Variants in FHIT observed in about 807,000 individuals in gnomAD.
FHIT encodes the protein fragile histidine triad diadenosine triphosphatase.
A neutral mutation model predicts 17.9 loss-of-function variants in FHIT; 19 were observed. The observed-to-expected ratio is 1.06, with a 90% CI of 0.74 to 1.56. FHIT has a LOEUF of 1.56. Among genes scored for constraint, FHIT ranks in the 40% most tolerant of loss-of-function variants. FHIT has a pLI of 0.00. For synonymous variants in FHIT, 81 were observed against 69.7 expected, an observed-to-expected ratio of 1.16 and a Z score of -0.81; for missense variants, 248 against 189.2, an observed-to-expected ratio of 1.31 and a Z score of -1.82.
chr3:60,927,019 C>T (rs1313588248), intron 3 of FHIT, among the ~76,000 whole-genome samples: 4 of 152,282 alleles, frequency 2.6e-5, no homozygotes, highest in Non-Finnish European at 4.4e-5. Context: ...CCCTCGTCTC[C>T]GTCTCCCACT....
At chr3:61,126,094 G>T (rs2036597822) in intron 2 of FHIT, among the ~76,000 whole-genome samples, 1 of 152,128 alleles carries the variant, frequency 6.6e-6, no homozygotes, top group Non-Finnish European at 1.5e-5. Context: ...CCAGCCACTT[G>T]ACTTCATACT....
intron 5 of FHIT, among the ~76,000 whole-genome samples, chr3:60,014,946 T>C (rs3845971): frequency 0.28 from 43,079 of 152,102 alleles, 6,280 homozygotes; most frequent in East Asian, 0.48. Flanking sequence ...TACTTCTTGA[T>C]AGGAAATTAA....
At chr3:60,588,970 ATGAC>A (rs1175032527) in intron 4 of FHIT, among the ~76,000 whole-genome samples, 1 of 152,020 alleles carries the variant, frequency 6.6e-6, no homozygotes, top group Non-Finnish European at 1.5e-5. Context: ...ATGTGAGACA[ATGAC>A]TGCATGAGTC....
At chr3:59,761,155 G>A (rs1457968876) in intron 8 of FHIT, among the ~76,000 whole-genome samples, 4 of 152,172 alleles carry the variant, frequency 2.6e-5, no homozygotes, top group South Asian at 2.1e-4. Context: ...TATGTCAGAC[G>A]AAAATCCCAC....
At chr3:60,836,675 G>C (rs1702552070) in intron 3 of FHIT, among the ~76,000 whole-genome samples, 1 of 152,130 alleles carries the variant, frequency 6.6e-6, no homozygotes, top group Non-Finnish European at 1.5e-5. Flanking sequence ...ACTGTTTACA[G>C]AGTCCAGTTA....
chr3:60,117,070 T>G lies in FHIT; in HGVS notation c.104-102918A>C, dbSNP rs116310727. ...TTAGAAAGTCAGCAAAAAGATGAAC[T>G]GAATCCCTGATGTTAATTGTACAGG... On this transcript the variant is annotated intron_variant, in intron 5 of 9. Coordinates refer to ENST00000492590, the MANE Select transcript of FHIT (RefSeq NM_002012.4). Among the ~76,000 whole-genome samples, 1,167 of 152,212 alleles carry G rather than the reference T, an allele frequency of 7.7e-3. 21 individuals are homozygous for G. Among genetic ancestry groups the G allele is most frequent in the African/African-American group, 0.027 (1,102 of 41,528 alleles).
chr3:60,697,891 T>C (rs2041150699), intron 4 of FHIT, among the ~76,000 whole-genome samples: 1 of 152,200 alleles, frequency 6.6e-6, no homozygotes. Context: ...ATTAATTTGC[T>C]TCTTTTTTGT....
intron 5 of FHIT, among the ~76,000 whole-genome samples, chr3:60,522,364 C>T (rs940596681): frequency 1.3e-5 from 2 of 152,146 alleles, no homozygotes; most frequent in African/African-American, 4.8e-5. Context: ...CCTGCCTCAG[C>T]CTCCCAAAGT....
At chr3:61,143,926 T>G (rs986225975) in intron 2 of FHIT, among the ~76,000 whole-genome samples, 1 of 152,148 alleles carries the variant, frequency 6.6e-6, no homozygotes, top group Admixed American at 6.5e-5. Flanking sequence ...AGTGAAAAAT[T>G]GCATTCTTTT....
At chr3:60,290,412 C>T (rs1190730452) in intron 5 of FHIT, among the ~76,000 whole-genome samples, 1 of 152,092 alleles carries the variant, frequency 6.6e-6, no homozygotes, top group African/African-American at 2.4e-5. Context: ...CCTTTCTCTG[C>T]CCTCTTCCTG....
Position 60,691,223 on chromosome 3 carries a change from CT to C in FHIT, c.-18+130695del, listed in dbSNP as rs545441287. On this transcript the variant is annotated intron_variant, in intron 4 of 9. Coordinates refer to ENST00000492590, the MANE Select transcript of FHIT (RefSeq NM_002012.4). ...CTAATTGCTTCTGCCTCAAGAACAT[CT>C]GTGATTCTTACTTTGGTTCTGGGTG... Among the ~76,000 whole-genome samples, 36 of 152,202 alleles carry C rather than the reference CT, an allele frequency of 2.4e-4. 1 individual carries two copies. The South Asian group carries it at 7.3e-3, about 31-fold the overall frequency.
intron 4 of FHIT, among the ~76,000 whole-genome samples, chr3:60,625,163 C>G (rs1378348613): frequency 4.6e-5 from 7 of 152,182 alleles, no homozygotes; most frequent in Non-Finnish European, 8.8e-5. Flanking sequence ...CTCGCCTCAG[C>G]CTCCCAAAAT....
At chr3:61,194,612 T>G (rs565050453) in intron 2 of FHIT, among the ~76,000 whole-genome samples, 1 of 152,344 alleles carries the variant, frequency 6.6e-6, no homozygotes, top group Non-Finnish European at 1.5e-5. Flanking sequence ...CATTCATTTA[T>G]GAGGAATTGC....
At position 59,970,899 on chromosome 3, in the gene FHIT, T is replaced by C. The variant is rs569758013; in HGVS notation, c.279+40472A>G. On this transcript the variant is annotated intron_variant, in intron 7 of 9. Transcript: ENST00000492590. The stretch of plus-strand genomic sequence containing the variant: ...AATCAGGGTTTAACCGGTGAACTAG[T>C]TGACGGAACAAGCAGGGATTAAAAA... Among the ~76,000 whole-genome samples the C allele has an allele frequency of 7.9e-5, 11 of 138,820 alleles. No individual in the cohort carries two copies. In the South Asian group the frequency reaches 1.6e-3, roughly 20 times the overall value. The allele number at this position is 138,820 out of a possible 152,430, so 91.1% of individuals were successfully genotyped here.
chr3:60,124,029 G>GAC (rs1335895344), intron 5 of FHIT, among the ~76,000 whole-genome samples: 2,663 of 94,702 alleles, frequency 0.028, 36 homozygotes, highest in Non-Finnish European at 0.047. Context: ...GAGAGAGAGA[G>GAC]AGAGAGAGAG....
intron 3 of FHIT, among the ~76,000 whole-genome samples, chr3:60,959,683 GA>G (rs1438853036): frequency 2.0e-5 from 3 of 152,098 alleles, no homozygotes; most frequent in Non-Finnish European, 4.4e-5. Flanking sequence ...GAGGGAACAA[GA>G]ATGTGCAAAT....
intron 4 of FHIT, among the ~76,000 whole-genome samples, chr3:60,628,602 G>T (rs188178197): frequency 6.6e-6 from 1 of 152,088 alleles, no homozygotes; most frequent in Non-Finnish European, 1.5e-5. Flanking sequence ...CCAATTTTTC[G>T]TTACTCCAGG....
intron 8 of FHIT, among the ~76,000 whole-genome samples, chr3:59,872,430 G>C (rs1165076874): frequency 6.6e-6 from 1 of 152,144 alleles, no homozygotes; most frequent in Non-Finnish European, 1.5e-5. Flanking sequence ...AACATGCCAC[G>C]TGCTCATGTT....
intron 5 of FHIT, among the ~76,000 whole-genome samples, chr3:60,267,896 T>C (rs1252767306): frequency 2.6e-5 from 4 of 152,212 alleles, no homozygotes; most frequent in Admixed American, 2.6e-4. Context: ...GAAGCTATTA[T>C]GTGCACACAT....
Sources: allele counts gnomAD v4.1 joint callset (sites outside exome capture counted in the v4.1 genomes callset), GRCh38; gene constraint gnomAD v4.1.1; transcripts MANE v1.5; gene names NCBI Gene and HGNC (gene_info 2026-07-23, HGNC 2026-07-21).